Variants in MYLIP observed in about 807,000 individuals in gnomAD.
The protein encoded by MYLIP is myosin regulatory light chain interacting protein.
In MYLIP, 26 loss-of-function variants were observed where a neutral mutation model predicts 45.8. That is an observed-to-expected ratio of 0.57 (90% CI 0.42 to 0.79). The LOEUF (loss-of-function observed/expected upper bound fraction) is 0.79, where lower values mean the gene tolerates loss of function less well. MYLIP is among the 30% of genes least tolerant of loss of function. The pLI, the probability that MYLIP is intolerant of heterozygous loss-of-function variation, is 0.00. For synonymous variants in MYLIP, 213 were observed against 218.1 expected (o/e 0.98, Z 0.21); for missense variants, 494 against 555.6 (o/e 0.89, Z 1.11).
At chr6:16,149,832 G>A (rs1243197228), downstream of MYLIP, among the ~76,000 whole-genome samples, 3 of 152,170 alleles carry the variant, frequency 2.0e-5, no homozygotes, top group Non-Finnish European at 4.4e-5. Context: ...GAGACAAGTC[G>A]TATGAAAATC....
At position 16,130,691 on chromosome 6, in the gene MYLIP, T is replaced by C. The variant is rs753587065; in HGVS notation, c.222T>C (p.Leu74=). Residue 74 remains leucine (L), a synonymous_variant, in exon 2 of 7, where the codon CTT becomes CTC. Transcript: ENST00000356840. The part of the protein sequence containing the change: ...QQMDGLAPYR[L]KLRVKFFVEP... The stretch of plus-strand genomic sequence containing the variant: ...TGGATGGGCTAGCCCCTTACAGGCT[T>C]AAACTTAGAGTCAAGTTCTTCGTGG... The C allele has an allele frequency of 2.5e-6, 4 of 1,614,166 alleles. No individual in the cohort carries two copies. In the Admixed American group the frequency reaches 6.7e-5, roughly 27 times the overall value.
intron 6 of MYLIP, among the ~76,000 whole-genome samples, 161 bp from the exon 7 acceptor site, chr6:16,146,501 T>A (rs748452132): frequency 6.6e-6 from 1 of 152,236 alleles, no homozygotes; most frequent in Non-Finnish European, 1.5e-5. Flanking sequence ...ACTTTCAACC[T>A]GTGAGACGGC....
downstream of MYLIP, among the ~76,000 whole-genome samples, chr6:16,151,567 C>A (rs940550336): frequency 6.6e-6 from 1 of 152,162 alleles, no homozygotes; most frequent in Admixed American, 6.5e-5. Context: ...GACAAAAACA[C>A]AATCATTCTT....
At chr6:16,138,959 C>A (rs372621278) in intron 2 of MYLIP, among the ~76,000 whole-genome samples, 292 of 152,298 alleles carry the variant, frequency 1.9e-3, no homozygotes, top group African/African-American at 6.7e-3. Flanking sequence ...AGGCTGCCTG[C>A]CACCTGTTTA....
the MYLIP span, among the ~76,000 whole-genome samples, chr6:16,156,140 C>T: frequency 6.6e-6 from 1 of 152,200 alleles, no homozygotes; most frequent in East Asian, 1.9e-4. Context: ...CTTCTCCTCC[C>T]TCTGACAGCT....
intron 4 of MYLIP, among the ~76,000 whole-genome samples, chr6:16,143,479 G>A (rs1759719726): frequency 6.6e-6 from 1 of 152,112 alleles, no homozygotes; most frequent in Non-Finnish European, 1.5e-5. Flanking sequence ...ACATGCATGT[G>A]CGCACACCCA....
chr6:16,151,134 G>A (rs1759873430), downstream of MYLIP, among the ~76,000 whole-genome samples: 1 of 151,926 alleles, frequency 6.6e-6, no homozygotes, highest in South Asian at 2.1e-4. Flanking sequence ...TGGATCACGA[G>A]GTCGGGAGAT....
chr6:16,142,747 T>C (rs1759699106), intron 3 of MYLIP, among the ~76,000 whole-genome samples: 2 of 152,266 alleles, frequency 1.3e-5, no homozygotes, highest in Admixed American at 6.5e-5. Context: ...ATTTGACTTA[T>C]GTATATTTTT....
chr6:16,132,319 A>G (rs1028356867), intron 2 of MYLIP, among the ~76,000 whole-genome samples: 2 of 152,192 alleles, frequency 1.3e-5, no homozygotes, highest in African/African-American at 4.8e-5. Context: ...GTTAGTAACT[A>G]TTATCAAATC....
chr6:16,150,901 T>C (rs968032606), downstream of MYLIP, among the ~76,000 whole-genome samples: 1 of 152,104 alleles, frequency 6.6e-6, no homozygotes, highest in Admixed American at 6.6e-5. Flanking sequence ...CGCTGGGAAG[T>C]TCTGGGGGGA....
rs1759771242 is a variant in MYLIP, at chr6:16,145,445, T to C, written c.1248+128T>C. 8.2e-6 allele frequency: 9 copies of C among 1,096,102 alleles called. No homozygotes were observed. The Admixed American group carries it at 1.4e-4, about 17-fold the overall frequency. 67.9% of individuals were successfully genotyped at this position (1,096,102 alleles called of 1,614,324 possible). ...TGCCCATCTTCACCCGGAAAGGGTCTTTGTATTTGGTGACCTAAAAGGCAT... is the reference window on the plus strand; with the variant it reads ...TGCCCATCTTCACCCGGAAAGGGTCCTTGTATTTGGTGACCTAAAAGGCAT... On this transcript the variant is annotated intron_variant, in intron 6 of 6. Coordinates refer to ENST00000356840, the MANE Select transcript of MYLIP (RefSeq NM_013262.4).
chr6:16,153,614 T>G, the MYLIP span, among the ~76,000 whole-genome samples: 1 of 152,238 alleles, frequency 6.6e-6, no homozygotes, highest in Non-Finnish European at 1.5e-5. Context: ...GGGCCAGCTT[T>G]ATAAATAATT....
chr6:16,148,258 G>T (rs1038271171), downstream of MYLIP: 1 of 152,378 alleles, frequency 6.6e-6, no homozygotes, highest in Non-Finnish European at 1.5e-5. Flanking sequence ...ACATGGATGT[G>T]TGTATTGTCA....
chr6:16,149,365 A>G (rs1759851518), downstream of MYLIP, among the ~76,000 whole-genome samples: 1 of 152,236 alleles, frequency 6.6e-6, no homozygotes, highest in African/African-American at 2.4e-5. Context: ...TAGAATTAGA[A>G]GGGAAGAACA....
intron 6 of MYLIP, among the ~76,000 whole-genome samples, chr6:16,146,219 C>A (rs974866200): frequency 5.9e-5 from 9 of 152,212 alleles, no homozygotes; most frequent in Non-Finnish European, 1.3e-4. Context: ...AGAAGCAGAG[C>A]CACCCTCCCT....
downstream of MYLIP, among the ~76,000 whole-genome samples, chr6:16,151,071 G>C (rs997168125): frequency 6.6e-6 from 1 of 152,044 alleles, no homozygotes; most frequent in African/African-American, 2.4e-5. Flanking sequence ...ATTAGAAAAA[G>C]TGCAGCGGTG....
intron 6 of MYLIP, 56 bp from the exon 7 acceptor site, chr6:16,146,606 C>T: frequency 7.1e-7 from 1 of 1,414,342 alleles, no homozygotes; most frequent in Non-Finnish European, 9.9e-7. Flanking sequence ...CACAGAGACA[C>T]AGGCCCCCCA....
chr6:16,137,831 AAT>A (rs913392108), intron 2 of MYLIP, among the ~76,000 whole-genome samples: 9 of 152,172 alleles, frequency 5.9e-5, no homozygotes, highest in Admixed American at 2.0e-4. Context: ...ATATAGTAAG[AAT>A]ATGTGATTCA....
At chr6:16,158,276 T>C in the MYLIP span, among the ~76,000 whole-genome samples, 5 of 152,250 alleles carry the variant, frequency 3.3e-5, no homozygotes, top group Non-Finnish European at 7.3e-5. Flanking sequence ...AGCAGTTACT[T>C]GTGTGGTCTT....
Sources: gnomAD v4.1 joint callset for allele counts (sites outside exome capture counted in the v4.1 genomes callset) on GRCh38, gnomAD v4.1.1 for gene constraint, MANE v1.5 for transcripts, NCBI Gene and HGNC (gene_info 2026-07-23, HGNC 2026-07-21) for gene names.